The following NAALADL2 variants were observed in gnomAD, a reference collection of about 807,000 sequenced individuals.
The protein encoded by NAALADL2 is N-acetylated alpha-linked acidic dipeptidase like 2.
A neutral mutation model predicts 87.2 loss-of-function variants in NAALADL2; 76 were observed. The ratio of observed to expected loss-of-function variants is 0.87; its 90% CI spans 0.72 to 1.05. NAALADL2 has a LOEUF of 1.05. Ranked by LOEUF, NAALADL2 falls within the 50% of genes least tolerant of loss-of-function variation. The pLI is 0.00. For missense variants in NAALADL2, 1,089 were observed against 945.8 expected (o/e 1.15, Z -1.99); for synonymous variants, 354 against 331.0 (o/e 1.07, Z -0.75).
At chr3:175,019,032 A>G (rs950691411) in intron 1 of NAALADL2, among the ~76,000 whole-genome samples, 9 of 152,106 alleles carry the variant, frequency 5.9e-5, no homozygotes, top group African/African-American at 2.2e-4. Context: ...TACTTGAATT[A>G]TTATACCACC....
chr3:175,627,445 A>T, intron 11 of NAALADL2, 59 bp downstream of exon 11: 1 of 1,134,060 alleles, frequency 8.8e-7, no homozygotes, highest in Non-Finnish European at 1.3e-6. Flanking sequence ...TTATTGGTAG[A>T]TGGAGCAAAG....
intron 4 of NAALADL2, among the ~76,000 whole-genome samples, chr3:175,319,076 C>G (rs1409593349): frequency 6.6e-6 from 1 of 152,218 alleles, no homozygotes; most frequent in African/African-American, 2.4e-5. Context: ...ATTAGACTCT[C>G]CCTCCCCCAC....
At chr3:175,056,811 T>C (rs1399048736) in intron 1 of NAALADL2, among the ~76,000 whole-genome samples, 1 of 152,232 alleles carries the variant, frequency 6.6e-6, no homozygotes, top group Non-Finnish European at 1.5e-5. Flanking sequence ...CACAGATCAC[T>C]CATGCTATTG....
intron 3 of NAALADL2, among the ~76,000 whole-genome samples, chr3:175,238,786 T>C (rs1399974710): frequency 6.6e-6 from 1 of 152,172 alleles, no homozygotes; most frequent in Non-Finnish European, 1.5e-5. Context: ...CAAGCTTGAG[T>C]GGTTGCTGCT....
intron 11 of NAALADL2, among the ~76,000 whole-genome samples, chr3:175,657,579 G>GTTT (rs368302045): frequency 8.5e-5 from 12 of 141,110 alleles, no homozygotes; most frequent in African/African-American, 2.1e-4. Context: ...TCATTTTACT[G>GTTT]TTTTTTTTTT....
chr3:175,661,066 C>A (rs543148089), intron 11 of NAALADL2, among the ~76,000 whole-genome samples: 1 of 152,070 alleles, frequency 6.6e-6, no homozygotes, highest in Admixed American at 6.6e-5. Context: ...TTTTGAAGAA[C>A]CCCCATACTC....
intron 10 of NAALADL2, among the ~76,000 whole-genome samples, chr3:175,593,470 A>G (rs1321700722): frequency 6.6e-6 from 1 of 152,160 alleles, no homozygotes; most frequent in Non-Finnish European, 1.5e-5. Flanking sequence ...TTAACAGTGT[A>G]TTCGTTTCTT....
intron 10 of NAALADL2, among the ~76,000 whole-genome samples, chr3:175,615,686 C>T (rs1233482925): frequency 2.0e-5 from 3 of 151,608 alleles, no homozygotes; most frequent in Admixed American, 6.6e-5. Context: ...GGTGAAGCCT[C>T]GTCTCTACTA....
At chr3:175,209,358 AG>A (rs1450126342) in intron 2 of NAALADL2, among the ~76,000 whole-genome samples, 2 of 152,100 alleles carry the variant, frequency 1.3e-5, no homozygotes, top group Non-Finnish European at 2.9e-5. Context: ...CAAACTAGTC[AG>A]GGAGAAGTAC....
At chr3:175,159,012 T>C (rs1732735306) in intron 2 of NAALADL2, among the ~76,000 whole-genome samples, 1 of 152,156 alleles carries the variant, frequency 6.6e-6, no homozygotes, top group Admixed American at 6.5e-5. Flanking sequence ...TTTTACATGA[T>C]TTTTTAAGTT....
chr3:175,288,952 A>G (rs1755310928), intron 4 of NAALADL2, among the ~76,000 whole-genome samples: 1 of 152,164 alleles, frequency 6.6e-6, no homozygotes, highest in Non-Finnish European at 1.5e-5. Flanking sequence ...CTGCTGATTT[A>G]TGGGTCTTCC....
chr3:174,937,854 A>G lies in NAALADL2; in HGVS notation c.43+78404A>G, dbSNP rs1040824643. On this transcript the variant is annotated intron_variant, in intron 1 of 13. Transcript: ENST00000454872. ...TTTTCAGTTTATCTGTGTGCCATAG[A>G]CAAATATTTATTTTATATAGATATA... 2.6e-5 allele frequency among the ~76,000 whole-genome samples: 4 copies of G among 152,084 alleles called. No homozygotes were observed. In the South Asian group the frequency reaches 6.2e-4, roughly 24 times the overall value.
At chr3:174,733,787 T>G (rs1732928405) in intron 2 of NAALADL2, among the ~76,000 whole-genome samples, 1 of 152,170 alleles carries the variant, frequency 6.6e-6, no homozygotes, top group Non-Finnish European at 1.5e-5. Flanking sequence ...ATTAGGGGTT[T>G]ATGTAGCAGG....
intron 1 of NAALADL2, among the ~76,000 whole-genome samples, chr3:174,540,078 T>C (rs1267967901): frequency 6.8e-6 from 1 of 147,154 alleles, no homozygotes; most frequent in Admixed American, 6.9e-5. Context: ...GTAAGAATGG[T>C]CAAATATTAA....
At chr3:175,384,932 A>G (rs1332599885) in intron 5 of NAALADL2, among the ~76,000 whole-genome samples, 3 of 152,096 alleles carry the variant, frequency 2.0e-5, no homozygotes, top group South Asian at 4.1e-4. Context: ...AAAAAGTAAA[A>G]TAATGAGCTG....
chr3:174,787,603 A>ATATATATATATATATATATATATG, intron 3 of NAALADL2, among the ~76,000 whole-genome samples: 1 of 99,472 alleles, frequency 1.0e-5, no homozygotes, highest in African/African-American at 3.3e-5. Flanking sequence ...ATATATATAT[A>ATATATATATATATATATATATATG]TATATATATA....
At position 175,256,319 on chromosome 3, in the gene NAALADL2, T is replaced by C. The variant is rs1044532901; in HGVS notation, c.820-92T>C. On this transcript the variant is annotated intron_variant, in intron 3 of 13. Coordinates refer to ENST00000454872, the MANE Select transcript of NAALADL2 (RefSeq NM_207015.3). The stretch of plus-strand genomic sequence containing the variant: ...TTAATTCTATATTGAACATTTCAAA[T>C]TATGATGAATAATTTTGTTATACTA... 2.0e-5 allele frequency: 24 copies of C among 1,207,294 alleles called. No homozygotes were observed. In the Admixed American group the frequency reaches 3.4e-4, roughly 17 times the overall value. 74.8% of individuals were successfully genotyped at this position (1,207,294 alleles called of 1,614,324 possible).
At chr3:174,695,409 C>T (rs1464236843) in intron 2 of NAALADL2, among the ~76,000 whole-genome samples, 1 of 151,900 alleles carries the variant, frequency 6.6e-6, no homozygotes, top group Non-Finnish European at 1.5e-5. Context: ...GAACCATAGA[C>T]ATAAGATCAT....
chr3:174,868,223 G>T (rs563800687), intron 1 of NAALADL2, among the ~76,000 whole-genome samples: 1 of 152,030 alleles, frequency 6.6e-6, no homozygotes, highest in African/African-American at 2.4e-5. Flanking sequence ...ATAACAGTGA[G>T]GTATCGAAAT....
Sources: gnomAD v4.1 joint callset for allele counts (sites outside exome capture counted in the v4.1 genomes callset) on GRCh38, gnomAD v4.1.1 for gene constraint, MANE v1.5 for transcripts, NCBI Gene and HGNC (gene_info 2026-07-23, HGNC 2026-07-21) for gene names.